Variants in ZNF365 observed in about 807,000 individuals in gnomAD.
The protein encoded by ZNF365 is zinc finger protein 365, also known as protein ZNF365.
Under a neutral mutation model 35.0 loss-of-function variants are expected in ZNF365, and 22 were observed. The ratio of observed to expected loss-of-function variants is 0.63; its 90% confidence interval spans 0.45 to 0.90. The LOEUF (loss-of-function observed/expected upper bound fraction) is 0.90. Among genes scored for constraint, ZNF365 ranks in the 40% least tolerant of loss-of-function variants. The pLI is 0.00. For synonymous variants in ZNF365, 188 were observed against 196.2 expected (o/e 0.96, Z 0.35); for missense variants, 448 against 500.3 (o/e 0.90, Z 1.00).
intron 3 of ZNF365, among the ~76,000 whole-genome samples, chr10:62,428,883 G>A (rs1840292501): frequency 6.6e-6 from 1 of 152,164 alleles, no homozygotes; most frequent in African/African-American, 2.4e-5. Context: ...GAGAAGTGGG[G>A]GTGATGTAGA....
rs533886733 is a variant in ZNF365, at chr10:62,400,072, C to T, written c.*283C>T. ...CTTCTAAAGTAACTGGCCCAGTCTCCAGTAATCTTGGCATCTGGGCTTCTA... is the reference window on the plus strand; with the variant it reads ...CTTCTAAAGTAACTGGCCCAGTCTCTAGTAATCTTGGCATCTGGGCTTCTA... On this transcript the variant is annotated 3_prime_UTR_variant, in exon 5 of 5. Transcript: ENST00000395254. The T allele has an allele frequency of 8.7e-7, 1 of 1,151,154 alleles. No homozygotes were observed. The highest frequency in any genetic ancestry group is 3.0e-5 in the South Asian group (1 of 32,926). The allele number at this position is 1,151,154 out of a possible 1,614,324, so 71.3% of individuals were successfully genotyped here.
At chr10:62,418,993 A>G (rs966989139) in intron 3 of ZNF365, among the ~76,000 whole-genome samples, 2 of 150,792 alleles carry the variant, frequency 1.3e-5, no homozygotes, top group African/African-American at 4.9e-5. Flanking sequence ...TACTAATATT[A>G]TACACGTCTG....
chr10:62,479,994 T>C, exon 5 of ZNF365: 1 of 1,570,916 alleles, frequency 6.4e-7, no homozygotes, highest in Non-Finnish European at 8.6e-7. Flanking sequence ...CAAATATTTA[T>C]TAAGCATGTT....
At chr10:62,473,970 C>G (rs1332539200) in intron 4 of ZNF365, among the ~76,000 whole-genome samples, 1 of 152,140 alleles carries the variant, frequency 6.6e-6, no homozygotes, top group Non-Finnish European at 1.5e-5. Flanking sequence ...TGTCCTCAGT[C>G]TTCTCTCCTC....
intron 3 of ZNF365, among the ~76,000 whole-genome samples, chr10:62,428,347 G>T (rs1290992258): frequency 2.6e-5 from 4 of 152,112 alleles, no homozygotes; most frequent in African/African-American, 9.7e-5. Flanking sequence ...GGAGGGACCT[G>T]GTGGGATGAA....
At chr10:62,375,913 G>T in intron 1 of ZNF365, 1 of 372,414 alleles carries the variant, frequency 2.7e-6, no homozygotes, top group Non-Finnish European at 4.8e-6. Context: ...TAGCTTTTAG[G>T]AGCATAGAGT....
chr10:62,398,210 A>G (rs187621278), intron 3 of ZNF365, among the ~76,000 whole-genome samples: 2 of 152,362 alleles, frequency 1.3e-5, no homozygotes, highest in African/African-American at 4.8e-5. Context: ...GTGCCCATCA[A>G]CCAACGAGTG....
chr10:62,417,761 C>G (rs1840098028), intron 3 of ZNF365, among the ~76,000 whole-genome samples: 1 of 151,794 alleles, frequency 6.6e-6, no homozygotes, highest in South Asian at 2.1e-4. Flanking sequence ...GCCTGAGTCT[C>G]TTAATTTTCT....
intron 3 of ZNF365, among the ~76,000 whole-genome samples, chr10:62,454,724 GT>G (rs1313040643): frequency 6.6e-6 from 1 of 151,666 alleles, no homozygotes; most frequent in African/African-American, 2.4e-5. Flanking sequence ...TCCTGAATCC[GT>G]GCAACAACCA....
intron 3 of ZNF365, among the ~76,000 whole-genome samples, chr10:62,452,000 C>G (rs1044675016): frequency 1.3e-5 from 2 of 152,194 alleles, no homozygotes; most frequent in African/African-American, 4.8e-5. Context: ...GTCAGAGAGA[C>G]AGGATAAGAA....
At chr10:62,429,401 G>A (rs1256903557) in intron 3 of ZNF365, among the ~76,000 whole-genome samples, 1 of 152,168 alleles carries the variant, frequency 6.6e-6, no homozygotes, top group Non-Finnish European at 1.5e-5. Context: ...ATTTAAAGAG[G>A]TTGTTTGCAA....
intron 4 of ZNF365, among the ~76,000 whole-genome samples, chr10:62,466,718 C>T (rs1201071891): frequency 6.6e-6 from 1 of 151,550 alleles, no homozygotes; most frequent in Non-Finnish European, 1.5e-5. Context: ...TTCTTAATCA[C>T]CAACATTTGC....
At chr10:62,378,358 A>G (rs1444892262) in intron 2 of ZNF365, among the ~76,000 whole-genome samples, 1 of 152,220 alleles carries the variant, frequency 6.6e-6, no homozygotes, top group Non-Finnish European at 1.5e-5. Context: ...GAACTTATTT[A>G]TTTGTTGTAT....
chr10:62,440,075 A>G (rs914880832), intron 3 of ZNF365, among the ~76,000 whole-genome samples: 9 of 152,290 alleles, frequency 5.9e-5, no homozygotes, highest in African/African-American at 2.2e-4. Context: ...AACTTTGCCT[A>G]TGGAGTCTGT....
intron 3 of ZNF365, among the ~76,000 whole-genome samples, chr10:62,443,425 C>A (rs1230048577): frequency 6.6e-6 from 1 of 152,156 alleles, no homozygotes; most frequent in Non-Finnish European, 1.5e-5. Context: ...ATTTTACCTT[C>A]CTTCTCGGGT....
intron 3 of ZNF365, among the ~76,000 whole-genome samples, chr10:62,457,192 C>T (rs972641606): frequency 7.2e-5 from 11 of 152,176 alleles, no homozygotes; most frequent in Non-Finnish European, 1.3e-4. Context: ...CATGTGTACC[C>T]TATGCTGTGT....
intron 3 of ZNF365, among the ~76,000 whole-genome samples, chr10:62,407,652 C>T (rs1839924711): frequency 6.6e-6 from 1 of 152,172 alleles, no homozygotes. Flanking sequence ...GCTGCAAACC[C>T]TGCTGTCTCA....
intron 4 of ZNF365, among the ~76,000 whole-genome samples, chr10:62,461,027 C>G (rs1840838752): frequency 6.6e-6 from 1 of 152,200 alleles, no homozygotes; most frequent in Non-Finnish European, 1.5e-5. Context: ...TCTTCTCCGT[C>G]CTACAAAGAC....
chr10:62,466,112 G>A lies in ZNF365; in HGVS notation c.981+6315G>A, dbSNP rs143044803. Among the ~76,000 whole-genome samples the A allele has an allele frequency of 5.6e-3, 854 of 152,278 alleles. 6 individuals are homozygous for A. The highest frequency in any genetic ancestry group is 7.6e-3 in the Non-Finnish European group (519 of 68,016). On this transcript the variant is annotated intron_variant, in intron 4 of 4. Coordinates refer to the ZNF365 transcript ENST00000395255. ...CACCCCTACTCACTGCACTGCGGGCGACAAGAAGGAGAGAAGAGTTGAAGC... is the reference window on the plus strand; with the variant it reads ...CACCCCTACTCACTGCACTGCGGGCAACAAGAAGGAGAGAAGAGTTGAAGC...
Sources: allele counts gnomAD v4.1 joint callset (sites outside exome capture counted in the v4.1 genomes callset), GRCh38; gene constraint gnomAD v4.1.1; transcripts MANE v1.5; gene names NCBI Gene and HGNC (gene_info 2026-07-23, HGNC 2026-07-21).